S100Z: variants seen among roughly 807,000 people sequenced by gnomAD.
S100Z encodes S100 calcium binding protein Z.
In S100Z, 11 loss-of-function variants were observed where a neutral mutation model predicts 8.5. The ratio of observed to expected loss-of-function variants is 1.30; its 90% confidence interval spans 0.82 to 2.15. The LOEUF (loss-of-function observed/expected upper bound fraction) is 2.15, where lower values mean the gene tolerates loss of function less well. Among genes scored for constraint, S100Z ranks in the 30% most tolerant of loss-of-function variants. The pLI is 0.00. For missense variants in S100Z, 126 were observed against 117.9 expected, an observed-to-expected ratio of 1.07 and a Z score of -0.32; for synonymous variants, 34 against 43.8, an observed-to-expected ratio of 0.78 and a Z score of 0.89.
intron 1 of S100Z, among the ~76,000 whole-genome samples, chr5:76,864,099 A>G (rs1050929080): frequency 2.6e-5 from 4 of 152,212 alleles, no homozygotes; most frequent in Non-Finnish European, 4.4e-5. Flanking sequence ...CTATTAAACA[A>G]TGAATAAAAC....
the S100Z span, among the ~76,000 whole-genome samples, chr5:76,950,784 C>T: frequency 0.015 from 2,358 of 152,226 alleles, 69 homozygotes; most frequent in African/African-American, 0.053. Flanking sequence ...AAATATTAAG[C>T]TAATTGTTTG....
chr5:76,900,563 A>T (rs950138368), intron 4 of S100Z, among the ~76,000 whole-genome samples: 1 of 152,024 alleles, frequency 6.6e-6, no homozygotes, highest in African/African-American at 2.4e-5. Context: ...TAGCTTCAGA[A>T]TTTCTGCTTG....
intron 4 of S100Z, among the ~76,000 whole-genome samples, chr5:76,906,268 ATTT>A (rs921923335): frequency 6.6e-6 from 1 of 150,540 alleles, no homozygotes; most frequent in African/African-American, 2.5e-5. Context: ...CACTTCACAT[ATTT>A]TTTTGGTGAT....
intron 4 of S100Z, among the ~76,000 whole-genome samples, chr5:76,911,320 T>G (rs1416896784): frequency 6.6e-6 from 1 of 152,206 alleles, no homozygotes. Context: ...TGGAAGATCT[T>G]AGACTCATCA....
At position 76,875,481 on chromosome 5, in the gene S100Z, A is replaced by ATT; in HGVS notation, c.122_123insTT (p.Glu41AspfsTer19). On this transcript the variant is annotated frameshift_variant, in exon 3 of 5. Coordinates refer to ENST00000317593, the MANE Select transcript of S100Z (RefSeq NM_130772.4). LOFTEE classifies it high-confidence loss of function. ...GAACTGAAACTGCTCCTGCAGCGAG[A>ATT]GCTCACGGAATTCCTCTCGGTGAGT... 6.2e-7 allele frequency: 1 copy of ATT among 1,610,168 alleles called. No homozygotes were observed. Among genetic ancestry groups the ATT allele is most frequent in the Non-Finnish European group, 8.5e-7 (1 of 1,178,512 alleles).
chr5:76,888,832 AACATG>A (rs1743756489), intron 4 of S100Z, among the ~76,000 whole-genome samples: 1 of 152,224 alleles, frequency 6.6e-6, no homozygotes, highest in Non-Finnish European at 1.5e-5. Flanking sequence ...GGGTCCACCC[AACATG>A]GCCAGGCTGG....
At chr5:76,903,786 C>G (rs1438363633) in intron 4 of S100Z, among the ~76,000 whole-genome samples, 1 of 150,596 alleles carries the variant, frequency 6.6e-6, no homozygotes, top group Non-Finnish European at 1.5e-5. Flanking sequence ...AGTGCAGTGG[C>G]ACAATCTTAG....
At chr5:76,875,967 G>A (rs1029775397) in intron 3 of S100Z, among the ~76,000 whole-genome samples, 3 of 152,172 alleles carry the variant, frequency 2.0e-5, no homozygotes, top group East Asian at 3.9e-4. Flanking sequence ...TTTGTCAGCC[G>A]AGCACAGACT....
At chr5:76,854,467 T>G (rs1750823870) in intron 1 of S100Z, among the ~76,000 whole-genome samples, 1 of 152,218 alleles carries the variant, frequency 6.6e-6, no homozygotes, top group Non-Finnish European at 1.5e-5. Context: ...TTGGAGGCAT[T>G]GTACCCCTGC....
At chr5:76,919,526 T>TCCTCCCTCCCTCCCTC (rs145366090) in intron 4 of S100Z, among the ~76,000 whole-genome samples, 3 of 126,026 alleles carry the variant, frequency 2.4e-5, no homozygotes, top group South Asian at 5.5e-4. Context: ...TCTTCTCCCT[T>TCCTCCCTCCCTCCCTC]CCTCCCTCCC....
chr5:76,874,411 T>C (rs1743108466), intron 2 of S100Z, among the ~76,000 whole-genome samples: 1 of 152,220 alleles, frequency 6.6e-6, no homozygotes. Flanking sequence ...AGGCTTCCTC[T>C]TGCTTTGTCT....
chr5:76,927,577 G>A, the S100Z span, among the ~76,000 whole-genome samples: 1 of 152,346 alleles, frequency 6.6e-6, no homozygotes, highest in African/African-American at 2.4e-5. Flanking sequence ...CAATGGCTGG[G>A]AGAAGTTAAA....
At chr5:76,904,198 C>T (rs1252440939) in intron 4 of S100Z, among the ~76,000 whole-genome samples, 1 of 151,946 alleles carries the variant, frequency 6.6e-6, no homozygotes, top group Non-Finnish European at 1.5e-5. Flanking sequence ...CCCCCTAACC[C>T]CACTTTTCTT....
intron 4 of S100Z, among the ~76,000 whole-genome samples, chr5:76,890,666 A>T (rs147289902): frequency 6.6e-6 from 1 of 152,212 alleles, no homozygotes; most frequent in African/African-American, 2.4e-5. Flanking sequence ...ACAAACAAAC[A>T]AAAACAGGAT....
the S100Z span, among the ~76,000 whole-genome samples, chr5:76,932,028 A>G: frequency 6.6e-6 from 1 of 152,164 alleles, no homozygotes; most frequent in Non-Finnish European, 1.5e-5. Flanking sequence ...TATATAATTT[A>G]TAACAAAAAC....
intron 4 of S100Z, among the ~76,000 whole-genome samples, chr5:76,905,874 G>A (rs1206778925): frequency 2.6e-5 from 4 of 152,096 alleles, no homozygotes; most frequent in African/African-American, 7.2e-5. Context: ...CCATTGCCCA[G>A]GCTGCAGTAC....
Position 76,863,782 on chromosome 5 carries a change from C to T in S100Z, c.-175-6384C>T, listed in dbSNP as rs549321608. Among the ~76,000 whole-genome samples the T allele has an allele frequency of 1.3e-4, 20 of 152,268 alleles. No homozygotes were observed. The South Asian group carries it at 4.1e-3, about 32-fold the overall frequency. ...CTCGATCTCCTGACCTTGTGATCCA[C>T]CCACCTTGGCCTCCCAAAGTACTGG... On this transcript the variant is annotated intron_variant, in intron 1 of 4. Transcript: ENST00000317593.
At chr5:76,915,496 T>G (rs892865218) in intron 4 of S100Z, among the ~76,000 whole-genome samples, 7 of 151,118 alleles carry the variant, frequency 4.6e-5, no homozygotes, top group African/African-American at 1.7e-4. Context: ...TAGTCCTGGC[T>G]ACTCCGGAGG....
chr5:76,866,267 C>G (rs559264847), intron 1 of S100Z, among the ~76,000 whole-genome samples: 2 of 151,750 alleles, frequency 1.3e-5, no homozygotes, highest in South Asian at 4.2e-4. Flanking sequence ...GTATTTTTAG[C>G]AGAGACAGGG....
Sources: allele counts gnomAD v4.1 joint callset (sites outside exome capture counted in the v4.1 genomes callset), GRCh38; gene constraint gnomAD v4.1.1; transcripts MANE v1.5; gene names NCBI Gene and HGNC (gene_info 2026-07-23, HGNC 2026-07-21).